The following STK31 variants were observed in gnomAD, a reference collection of about 807,000 sequenced individuals.
STK31 encodes the protein serine/threonine kinase 31, also known as serine/threonine-protein kinase 31.
Under a neutral mutation model 129.7 loss-of-function variants are expected in STK31, and 89 were observed. That is an observed-to-expected ratio of 0.69 (90% CI 0.58 to 0.82). The LOEUF (loss-of-function observed/expected upper bound fraction) is 0.82, where lower values mean the gene tolerates loss of function less well. Ranked by LOEUF, STK31 falls within the 40% of genes least tolerant of loss-of-function variation. STK31 has a pLI of 0.00. For missense variants in STK31, 1,187 were observed against 1,176.4 expected, an observed-to-expected ratio of 1.01 and a Z score of -0.13; for synonymous variants, 448 against 395.3, an observed-to-expected ratio of 1.13 and a Z score of -1.58.
intron 10 of STK31, among the ~76,000 whole-genome samples, chr7:23,760,966 C>G (rs1346005647): frequency 6.6e-6 from 1 of 152,068 alleles, no homozygotes; most frequent in Non-Finnish European, 1.5e-5. Flanking sequence ...ATGCCCGTAC[C>G]CTAGTTCTAA....
At chr7:23,715,298 A>C (rs1210202946) in intron 3 of STK31, among the ~76,000 whole-genome samples, 1 of 152,070 alleles carries the variant, frequency 6.6e-6, no homozygotes, top group Non-Finnish European at 1.5e-5. Context: ...AATCTGACGT[A>C]TTTGACTCCA....
intron 22 of STK31, among the ~76,000 whole-genome samples, chr7:23,793,335 G>T (rs1354383876): frequency 6.6e-6 from 1 of 152,094 alleles, no homozygotes; most frequent in Non-Finnish European, 1.5e-5. Flanking sequence ...TTTCGATTTG[G>T]CAAAGATTTC....
intron 16 of STK31, among the ~76,000 whole-genome samples, chr7:23,782,592 G>T (rs1791007474): frequency 6.6e-6 from 1 of 152,060 alleles, no homozygotes; most frequent in Admixed American, 6.5e-5. Context: ...ATACCTTATG[G>T]ACCTTGGGTT....
chr7:23,831,745 G>A (rs978250974), intron 23 of STK31, among the ~76,000 whole-genome samples: 20 of 152,128 alleles, frequency 1.3e-4, no homozygotes, highest in African/African-American at 2.2e-4. Context: ...TACCAGTGGA[G>A]TTTATATGTG....
intron 10 of STK31, among the ~76,000 whole-genome samples, chr7:23,755,592 G>A (rs539023018): frequency 5.9e-5 from 9 of 152,252 alleles, no homozygotes; most frequent in Middle Eastern, 6.8e-3. Flanking sequence ...TGTCCTGAAC[G>A]CTATTGCCTG....
chr7:23,734,206 A>G (rs1047844452), intron 6 of STK31, among the ~76,000 whole-genome samples: 1 of 152,116 alleles, frequency 6.6e-6, no homozygotes, highest in African/African-American at 2.4e-5. Flanking sequence ...TTTTGTATTT[A>G]TAGAGTGGGA....
intron 6 of STK31, among the ~76,000 whole-genome samples, chr7:23,731,159 C>T (rs1584345602): frequency 2.0e-5 from 3 of 151,904 alleles, no homozygotes; most frequent in South Asian, 4.1e-4. Context: ...GCTGGGATTA[C>T]AGGCATGAGC....
At chr7:23,725,449 G>A (rs528501106) in intron 4 of STK31, among the ~76,000 whole-genome samples, 7 of 151,390 alleles carry the variant, frequency 4.6e-5, no homozygotes, top group East Asian at 1.9e-4. Flanking sequence ...AGGCTGAAGC[G>A]GGAGGATTGT....
intron 21 of STK31, 103 bp downstream of exon 21, chr7:23,788,232 T>A: frequency 9.7e-7 from 1 of 1,031,288 alleles, no homozygotes; most frequent in Non-Finnish European, 1.3e-6. Flanking sequence ...ATAGGATCTT[T>A]GTCTTCAGTT....
At chr7:23,773,819 T>C (rs966008625) in intron 15 of STK31, among the ~76,000 whole-genome samples, 2 of 152,142 alleles carry the variant, frequency 1.3e-5, no homozygotes. Flanking sequence ...ACAGTACATG[T>C]GCACAACGTG....
At chr7:23,737,123 TG>T (rs760402113) in intron 8 of STK31, 45 bp downstream of exon 8, 38 of 1,469,146 alleles carry the variant, frequency 2.6e-5, no homozygotes, top group Non-Finnish European at 3.3e-5. Context: ...CTGGGAAATC[TG>T]TGTACTCATC....
At chr7:23,736,827 C>T in intron 7 of STK31, 77 bp from the exon 8 acceptor site, 1 of 1,229,604 alleles carries the variant, frequency 8.1e-7, no homozygotes, top group Non-Finnish European at 1.1e-6. Context: ...CATAAAAGGA[C>T]CAAGATAACT....
chr7:23,728,993 T>C, intron 5 of STK31, 98 bp from the exon 6 acceptor site: 1 of 1,045,968 alleles, frequency 9.6e-7, no homozygotes. Flanking sequence ...AATGCTATTT[T>C]GATATACAGG....
intron 10 of STK31, among the ~76,000 whole-genome samples, chr7:23,756,642 G>C (rs1789100883): frequency 6.6e-6 from 1 of 152,088 alleles, no homozygotes; most frequent in African/African-American, 2.4e-5. Flanking sequence ...ATAAATAACT[G>C]TTACTATTTT....
chr7:23,806,901 G>GAAAAAAA (rs34751124), intron 22 of STK31, among the ~76,000 whole-genome samples: 1 of 75,968 alleles, frequency 1.3e-5, no homozygotes, highest in Non-Finnish European at 2.6e-5. Context: ...CTCCGTCTCA[G>GAAAAAAA]AAAAAAAAAA....
intron 4 of STK31, among the ~76,000 whole-genome samples, chr7:23,726,818 A>C (rs1243360195): frequency 2.0e-5 from 3 of 152,156 alleles, no homozygotes; most frequent in African/African-American, 7.2e-5. Flanking sequence ...AGGAAATATG[A>C]ATTCCACTAT....
At chr7:23,733,829 A>T (rs1340535750) in intron 6 of STK31, among the ~76,000 whole-genome samples, 1 of 152,134 alleles carries the variant, frequency 6.6e-6, no homozygotes, top group Non-Finnish European at 1.5e-5. Flanking sequence ...AAATAAAAAA[A>T]AAATGTGTCC....
intron 10 of STK31, among the ~76,000 whole-genome samples, chr7:23,758,929 A>G (rs1789279720): frequency 6.6e-6 from 1 of 152,242 alleles, no homozygotes; most frequent in African/African-American, 2.4e-5. Flanking sequence ...CAGGCTCAAA[A>G]GAAAGGGATG....
In STK31 at chr7:23,730,307, A is replaced by G. The variant is rs143868262; in HGVS notation, c.483+1058A>G. Among the ~76,000 whole-genome samples, 678 of 152,208 alleles carry G rather than the reference A, an allele frequency of 4.5e-3. 8 individuals carry two copies. The highest frequency in any genetic ancestry group is 0.014 in the African/African-American group (593 of 41,524). On this transcript the variant is annotated intron_variant, in intron 6 of 23. Coordinates refer to ENST00000355870, the MANE Select transcript of STK31 (RefSeq NM_031414.5). The stretch of plus-strand genomic sequence containing the variant: ...AAAGAAATTAATTAAAATTGCCTCT[A>G]TTTTTCTTTGAGAATCTTGTAGGTG...
Sources: allele counts gnomAD v4.1 joint callset (sites outside exome capture counted in the v4.1 genomes callset), GRCh38; gene constraint gnomAD v4.1.1; transcripts MANE v1.5; gene names NCBI Gene and HGNC (gene_info 2026-07-23, HGNC 2026-07-21).